The following SLC2A13 variants were observed in gnomAD, a reference collection of about 807,000 sequenced individuals.
The protein encoded by SLC2A13 is solute carrier family 2 member 13, also known as proton myo-inositol cotransporter.
In SLC2A13, 32 loss-of-function variants were observed where a neutral mutation model predicts 64.4. That is an observed-to-expected ratio of 0.50 (90% CI 0.37 to 0.67). The LOEUF is 0.67. Ranked by LOEUF, SLC2A13 falls within the 30% of genes least tolerant of loss-of-function variation. The pLI is 0.00. For missense variants in SLC2A13, 743 were observed against 829.2 expected, an observed-to-expected ratio of 0.90 and a Z score of 1.28; for synonymous variants, 338 against 327.1, an observed-to-expected ratio of 1.03 and a Z score of -0.36.
At chr12:39,777,514 G>T (rs145137074) in intron 7 of SLC2A13, among the ~76,000 whole-genome samples, 2 of 152,172 alleles carry the variant, frequency 1.3e-5, no homozygotes, top group African/African-American at 4.8e-5. Flanking sequence ...CCCAGGGCCC[G>T]GGCCCATGGA....
At chr12:40,020,876 A>G (rs1053619927) in intron 3 of SLC2A13, among the ~76,000 whole-genome samples, 8 of 151,822 alleles carry the variant, frequency 5.3e-5, no homozygotes, top group African/African-American at 1.9e-4. Flanking sequence ...TACCCTGAGC[A>G]GCAACTCATG....
chr12:39,891,650 A>T (rs751410308), intron 4 of SLC2A13, among the ~76,000 whole-genome samples: 1 of 152,136 alleles, frequency 6.6e-6, no homozygotes, highest in Non-Finnish European at 1.5e-5. Context: ...GACAATCCTT[A>T]AGGTATGTAT....
At chr12:40,074,958 T>C (rs946755699) in intron 1 of SLC2A13, among the ~76,000 whole-genome samples, 1 of 152,172 alleles carries the variant, frequency 6.6e-6, no homozygotes, top group African/African-American at 2.4e-5. Flanking sequence ...AATATTCCCC[T>C]TTTCTCAAAT....
intron 3 of SLC2A13, among the ~76,000 whole-genome samples, chr12:39,984,480 G>A (rs933230539): frequency 6.6e-6 from 1 of 152,030 alleles, no homozygotes; most frequent in African/African-American, 2.4e-5. Flanking sequence ...CAATTTAAGT[G>A]TAAATTCCTG....
rs140442713 is a variant in SLC2A13, at chr12:39,958,343, GT to G, written c.926-6979del. Among the ~76,000 whole-genome samples the G allele has an allele frequency of 3.8e-3, 584 of 152,300 alleles. 2 individuals carry two copies. Among genetic ancestry groups the G allele is most frequent in the Non-Finnish European group, 6.5e-3 (441 of 68,008 alleles). The stretch of plus-strand genomic sequence containing the variant: ...GTGGAAAGTGTTCACACAGACCAGT[GT>G]TAACATACCAGTCCTACAATGTAGC... On this transcript the variant is annotated intron_variant, in intron 3 of 9. Coordinates refer to ENST00000280871, the MANE Select transcript of SLC2A13 (RefSeq NM_052885.4).
intron 3 of SLC2A13, among the ~76,000 whole-genome samples, chr12:40,010,556 A>C (rs1039232663): frequency 1.3e-5 from 2 of 152,188 alleles, no homozygotes; most frequent in African/African-American, 4.8e-5. Flanking sequence ...AACTTAAGAC[A>C]GTTAAGCAAA....
At chr12:39,786,962 C>T (rs1941209120) in intron 7 of SLC2A13, among the ~76,000 whole-genome samples, 1 of 149,322 alleles carries the variant, frequency 6.7e-6, no homozygotes, top group Non-Finnish European at 1.5e-5. Flanking sequence ...TAATCAGAGA[C>T]ATGGGCATAT....
chr12:40,065,641 A>C (rs778198464), intron 1 of SLC2A13, among the ~76,000 whole-genome samples: 3 of 152,114 alleles, frequency 2.0e-5, no homozygotes, highest in Non-Finnish European at 2.9e-5. Context: ...AATGTTCTAT[A>C]TGGCTTGGAC....
intron 1 of SLC2A13, among the ~76,000 whole-genome samples, chr12:40,063,165 T>C (rs1313155633): frequency 6.6e-6 from 1 of 152,154 alleles, no homozygotes; most frequent in Non-Finnish European, 1.5e-5. Flanking sequence ...CTTTTTGTTT[T>C]ATCCCTAGAA....
intron 3 of SLC2A13, among the ~76,000 whole-genome samples, chr12:39,998,226 C>G (rs150617438): frequency 6.6e-6 from 1 of 152,138 alleles, no homozygotes; most frequent in Non-Finnish European, 1.5e-5. Context: ...TAGTGGCATT[C>G]ACAGCAACCT....
chr12:39,828,715 T>C (rs1214832964), intron 7 of SLC2A13, among the ~76,000 whole-genome samples: 1 of 17,632 alleles, frequency 5.7e-5, no homozygotes, highest in Non-Finnish European at 9.3e-5. Context: ...TAACTTAGTT[T>C]TTTTTTTTTC....
chr12:39,805,234 C>T (rs1391723081), intron 7 of SLC2A13, among the ~76,000 whole-genome samples: 3 of 152,138 alleles, frequency 2.0e-5, no homozygotes, highest in Non-Finnish European at 4.4e-5. Flanking sequence ...TGAGAAGCCA[C>T]GGCAGAGTGT....
At chr12:39,975,891 C>T (rs141059024) in intron 3 of SLC2A13, among the ~76,000 whole-genome samples, 55 of 152,274 alleles carry the variant, frequency 3.6e-4, no homozygotes, top group Non-Finnish European at 4.9e-4. Flanking sequence ...AGCATCAAAC[C>T]GGATTCTTAA....
chr12:40,065,978 T>C (rs547500134), intron 1 of SLC2A13, among the ~76,000 whole-genome samples: 9 of 152,354 alleles, frequency 5.9e-5, no homozygotes, highest in African/African-American at 2.2e-4. Flanking sequence ...TTCATGTTTA[T>C]GTGGCTAAAC....
chr12:39,968,760 GTATATATATATATATATATATATATA>G (rs56838055), intron 3 of SLC2A13, among the ~76,000 whole-genome samples: 4 of 59,844 alleles, frequency 6.7e-5, no homozygotes, highest in South Asian at 8.6e-4. Flanking sequence ...TTTTTTTTTG[GTATATATATATATATATATATATATA>G]TATATATATA....
At chr12:39,858,859 GC>G (rs1440940286) in intron 6 of SLC2A13, among the ~76,000 whole-genome samples, 2 of 152,126 alleles carry the variant, frequency 1.3e-5, no homozygotes, top group Non-Finnish European at 2.9e-5. Context: ...ACCCGCTTTG[GC>G]CTCCCAAAGT....
chr12:39,832,158 T>G (rs1456837593), intron 6 of SLC2A13, among the ~76,000 whole-genome samples: 1 of 152,166 alleles, frequency 6.6e-6, no homozygotes, highest in Non-Finnish European at 1.5e-5. Context: ...ACACTGGTGA[T>G]AAGCACACTA....
intron 3 of SLC2A13, among the ~76,000 whole-genome samples, chr12:39,959,250 T>G (rs1946368512): frequency 6.6e-6 from 1 of 152,236 alleles, no homozygotes; most frequent in Non-Finnish European, 1.5e-5. Context: ...GCTTGGCACA[T>G]GTTCTGCTTG....
chr12:39,756,681 G>T lies in SLC2A13; in HGVS notation c.*3345C>A, dbSNP rs921499840. 4 of 151,560 alleles carry T rather than the reference G, an allele frequency of 2.6e-5. No homozygotes were observed. The highest frequency in any genetic ancestry group is 9.7e-5 in the African/African-American group (4 of 41,388). 9.4% of individuals were successfully genotyped at this position (151,560 alleles called of 1,614,324 possible). ...AATATATTTTCAATATTATTTTGTT[G>T]TTAAAAAGCAAAAGGGTAAGTTGTC... On this transcript the variant is annotated 3_prime_UTR_variant, in exon 10 of 10. Coordinates refer to ENST00000280871, the MANE Select transcript of SLC2A13 (RefSeq NM_052885.4).
Sources: allele counts gnomAD v4.1 joint callset (sites outside exome capture counted in the v4.1 genomes callset), GRCh38; gene constraint gnomAD v4.1.1; transcripts MANE v1.5; gene names NCBI Gene and HGNC (gene_info 2026-07-23, HGNC 2026-07-21).